The following INVS variants were observed in gnomAD, a reference collection of about 807,000 sequenced individuals.
The protein encoded by INVS is inversion of embryo turning homolog.
Under a neutral mutation model 108.8 loss-of-function variants are expected in INVS, and 86 were observed. That is an observed-to-expected ratio of 0.79 (90% CI 0.66 to 0.95). The LOEUF is 0.95. INVS is among the 40% of genes least tolerant of loss of function. The probability of loss-of-function intolerance (pLI) is 0.00; values close to 1 mark genes in which losing one functional copy is unlikely to be tolerated. For synonymous variants in INVS, 455 were observed against 473.5 expected, an observed-to-expected ratio of 0.96 and a Z score of 0.51; for missense variants, 1,169 against 1,297.4, an observed-to-expected ratio of 0.90 and a Z score of 1.52.
intron 3 of INVS, among the ~76,000 whole-genome samples, chr9:100,203,201 T>C (rs979676620): frequency 6.6e-6 from 1 of 152,082 alleles, no homozygotes; most frequent in Non-Finnish European, 1.5e-5. Context: ...TTGAAAGAAC[T>C]CTTGATTTTT....
At chr9:100,148,136 T>C (rs1363214496) in intron 3 of INVS, among the ~76,000 whole-genome samples, 4 of 151,884 alleles carry the variant, frequency 2.6e-5, no homozygotes, top group Admixed American at 2.6e-4. Context: ...ATTGTGCCAC[T>C]ACCCTCTAGC....
chr9:100,107,865 A>G (rs572400194), intron 2 of INVS, among the ~76,000 whole-genome samples: 38 of 152,328 alleles, frequency 2.5e-4, no homozygotes, highest in Non-Finnish European at 4.3e-4. Flanking sequence ...AATCCAGCAC[A>G]GTACTTGGCA....
At position 100,242,592 on chromosome 9, in the gene INVS, C is replaced by G. The variant is rs1448130159; in HGVS notation, c.819C>G (p.Leu273=). The change falls in exon 7 of 17, where the codon CTC becomes CTG. Residue 273 remains leucine (L), a synonymous_variant. Transcript: ENST00000262457. ...ALLGHAQIVH[L]LLERNKSGTI... is the part of the protein sequence containing the mutation. The stretch of plus-strand genomic sequence containing the variant: ...CAGGCCATGCACAGATTGTCCATCT[C>G]CTTTTAGAAAGAAATAAGTCTGGAA... The G allele has an allele frequency of 1.9e-6, 3 of 1,606,690 alleles. No homozygotes were observed. Among genetic ancestry groups the G allele is most frequent in the Non-Finnish European group, 1.7e-6 (2 of 1,173,346 alleles).
intron 2 of INVS, among the ~76,000 whole-genome samples, chr9:100,109,359 C>T (rs1827271338): frequency 1.3e-5 from 2 of 152,188 alleles, no homozygotes; most frequent in South Asian, 4.1e-4. Flanking sequence ...TATCCTATTA[C>T]TGTTATTGTT....
At chr9:100,274,450 A>G (rs929213236) in intron 12 of INVS, among the ~76,000 whole-genome samples, 8 of 152,248 alleles carry the variant, frequency 5.3e-5, no homozygotes, top group African/African-American at 1.9e-4. Flanking sequence ...AAATAGCAGC[A>G]GTGCATCACA....
At chr9:100,254,117 A>G (rs7034596) in intron 10 of INVS, among the ~76,000 whole-genome samples, 50,177 of 151,712 alleles carry the variant, frequency 0.33, 9,004 homozygotes, top group Non-Finnish European at 0.42. Context: ...TCTAACTGGT[A>G]TGAGATGGTA....
chr9:100,250,355 GA>G (rs1276371835), intron 8 of INVS, among the ~76,000 whole-genome samples: 1 of 151,674 alleles, frequency 6.6e-6, no homozygotes, highest in Non-Finnish European at 1.5e-5. Flanking sequence ...TGATTGTTTT[GA>G]AAAAAATTCT....
At chr9:100,104,109 A>G (rs890333112) in intron 1 of INVS, among the ~76,000 whole-genome samples, 2 of 152,192 alleles carry the variant, frequency 1.3e-5, no homozygotes, top group Non-Finnish European at 2.9e-5. Context: ...AGTCCCTAAG[A>G]AGAGTCCTAG....
chr9:100,272,723 T>C (rs1261480910), intron 11 of INVS, 141 bp from the exon 12 acceptor site: 6 of 773,924 alleles, frequency 7.8e-6, no homozygotes, highest in Admixed American at 2.2e-5. Flanking sequence ...AGCCCTGTTA[T>C]AGAGAAGGTG....
Position 100,190,483 on chromosome 9 carries a change from T to G in INVS, c.274-35579T>G, listed in dbSNP as rs116848783. ...TCTGAGTTTTATGCTTTCAAGATGT[T>G]CTATTCTGGTGCATATTGACCTTTT... On this transcript the variant is annotated intron_variant, in intron 3 of 16. Coordinates refer to ENST00000262457, the MANE Select transcript of INVS (RefSeq NM_014425.5). 6.9e-3 allele frequency among the ~76,000 whole-genome samples: 1,056 copies of G among 152,354 alleles called. 11 individuals carry two copies. The highest frequency in any genetic ancestry group is 0.012 in the Non-Finnish European group (829 of 68,030).
chr9:100,262,413 T>C (rs1223061540), intron 10 of INVS, among the ~76,000 whole-genome samples: 2 of 152,104 alleles, frequency 1.3e-5, no homozygotes, highest in Admixed American at 1.3e-4. Context: ...ATTCAGATTT[T>C]CTAATTATTT....
intron 3 of INVS, 89 bp downstream of exon 3, chr9:100,126,638 G>A (rs1311563111): frequency 3.9e-6 from 5 of 1,273,844 alleles, no homozygotes; most frequent in Non-Finnish European, 5.7e-6. Flanking sequence ...AGATAATAAA[G>A]AAGTCTCAAA....
intron 1 of INVS, among the ~76,000 whole-genome samples, chr9:100,102,362 A>G (rs1827022963): frequency 6.6e-6 from 1 of 152,196 alleles, no homozygotes; most frequent in Non-Finnish European, 1.5e-5. Context: ...TACAAGCTCC[A>G]TGAGACTACC....
chr9:100,136,560 A>G lies in INVS; in HGVS notation c.273+10011A>G, dbSNP rs565907101. ...TCAAACATTTTTTTACAGTTGATTT[A>G]TTCAAATCAGGACCTAAACAAGGTC... is the stretch of plus-strand genomic sequence containing the variant. On this transcript the variant is annotated intron_variant, in intron 3 of 16. Coordinates refer to ENST00000262457, the MANE Select transcript of INVS (RefSeq NM_014425.5). 2.0e-5 allele frequency among the ~76,000 whole-genome samples: 3 copies of G among 152,306 alleles called. No homozygotes were observed. The South Asian group carries it at 6.2e-4, about 32-fold the overall frequency.
At chr9:100,104,984 T>A (rs1024220410) in intron 2 of INVS, among the ~76,000 whole-genome samples, 19 of 152,204 alleles carry the variant, frequency 1.2e-4, no homozygotes, top group Non-Finnish European at 1.9e-4. Flanking sequence ...TACAAATGAT[T>A]TAATTTTTAA....
intron 3 of INVS, among the ~76,000 whole-genome samples, chr9:100,162,216 C>T (rs1829213866): frequency 6.6e-6 from 1 of 152,128 alleles, no homozygotes; most frequent in South Asian, 2.1e-4. Flanking sequence ...GCTCTATAGT[C>T]ATTTGGGTCC....
Position 100,175,745 on chromosome 9 carries a change from C to T in INVS, c.273+49196C>T. 3.2e-6 allele frequency: 2 copies of T among 626,424 alleles called. 1 individual carries two copies. Among genetic ancestry groups the T allele is most frequent in the South Asian group, 2.8e-5 (2 of 70,544 alleles). The allele number at this position is 626,424 out of a possible 1,614,324, so 38.8% of individuals were successfully genotyped here. Reference sequence around the variant, plus strand: ...CAATGCAGAGCAACCAGACCTGTAGCAGTTCGGCCTGGGGCAACCAGACCT... The same window carrying T: ...CAATGCAGAGCAACCAGACCTGTAGTAGTTCGGCCTGGGGCAACCAGACCT... On this transcript the variant is annotated intron_variant, in intron 3 of 16. Transcript: ENST00000262457.
At chr9:100,299,117 A>G (rs1323258313) in intron 16 of INVS, among the ~76,000 whole-genome samples, 2 of 152,254 alleles carry the variant, frequency 1.3e-5, no homozygotes, top group African/African-American at 4.8e-5. Context: ...CAGAAGGGAC[A>G]GAGTAAATAA....
At chr9:100,256,875 TG>T (rs1564178909) in intron 10 of INVS, among the ~76,000 whole-genome samples, 2 of 152,192 alleles carry the variant, frequency 1.3e-5, no homozygotes, top group African/African-American at 4.8e-5. Context: ...CTGAGAAGAA[TG>T]TATATTCTGT....
Sources: gnomAD v4.1 joint callset for allele counts (sites outside exome capture counted in the v4.1 genomes callset) on GRCh38, gnomAD v4.1.1 for gene constraint, MANE v1.5 for transcripts, NCBI Gene and HGNC (gene_info 2026-07-23, HGNC 2026-07-21) for gene names.